The following ARSB variants were observed in gnomAD, a reference collection of about 807,000 sequenced individuals.
ARSB encodes the protein arylsulfatase B, also known as N-acetylgalactosamine-4-sulfatase.
In ARSB, 41 loss-of-function variants were observed where a neutral mutation model predicts 50.9. The observed-to-expected ratio is 0.81, with a 90% confidence interval of 0.63 to 1.04. The LOEUF (loss-of-function observed/expected upper bound fraction) is 1.04. Among genes scored for constraint, ARSB ranks in the 50% least tolerant of loss-of-function variants. The probability of loss-of-function intolerance (pLI) is 0.00; values close to 1 mark genes in which losing one functional copy is unlikely to be tolerated. For synonymous variants in ARSB, 269 were observed against 284.8 expected, an observed-to-expected ratio of 0.94 and a Z score of 0.56; for missense variants, 672 against 693.3, an observed-to-expected ratio of 0.97 and a Z score of 0.35.
intron 6 of ARSB, chr5:78,815,466 C>T (rs1270647576): frequency 2.2e-6 from 2 of 899,084 alleles, no homozygotes; most frequent in African/African-American, 3.7e-5. Flanking sequence ...GAAAGTGTGA[C>T]TTGGCAAATG....
intron 4 of ARSB, among the ~76,000 whole-genome samples, chr5:78,918,078 A>G (rs55885395): frequency 0.01 from 1,545 of 152,336 alleles, 14 homozygotes; most frequent in African/African-American, 0.023. Flanking sequence ...AAATAGATGT[A>G]TTAGTAAATA....
At chr5:78,984,149 G>A (rs1337563272) in intron 1 of ARSB, among the ~76,000 whole-genome samples, 1 of 152,164 alleles carries the variant, frequency 6.6e-6, no homozygotes, top group Non-Finnish European at 1.5e-5. Flanking sequence ...AGCCTTTACA[G>A]GCTTCCTGCC....
intron 4 of ARSB, among the ~76,000 whole-genome samples, chr5:78,911,359 A>T (rs1749297327): frequency 6.6e-6 from 1 of 151,982 alleles, no homozygotes; most frequent in African/African-American, 2.4e-5. Flanking sequence ...GGATCATCTG[A>T]GGTCAGGAGT....
intron 5 of ARSB, among the ~76,000 whole-genome samples, chr5:78,875,773 T>G (rs1293815625): frequency 1.3e-5 from 2 of 152,030 alleles, no homozygotes; most frequent in Non-Finnish European, 2.9e-5. Context: ...GTTCAAGCGA[T>G]TCTCCTCCCT....
At chr5:78,831,037 T>C (rs180817853) in intron 6 of ARSB, among the ~76,000 whole-genome samples, 37 of 152,320 alleles carry the variant, frequency 2.4e-4, no homozygotes, top group Middle Eastern at 3.4e-3. Flanking sequence ...CATGTGCTCA[T>C]AATTTAAAAT....
intron 4 of ARSB, among the ~76,000 whole-genome samples, chr5:78,903,023 A>C (rs981663478): frequency 1.3e-5 from 2 of 152,256 alleles, no homozygotes; most frequent in Non-Finnish European, 2.9e-5. Flanking sequence ...AGAAAAACAG[A>C]GAATAGGTCT....
rs1746296561 is a variant in ARSB at position 78,859,085 on chromosome 5, T to A, written c.1143-19659A>T. Among the ~76,000 whole-genome samples the A allele has an allele frequency of 2.0e-5, 3 of 152,212 alleles. No homozygotes were observed. In the South Asian group the frequency reaches 6.2e-4, roughly 32 times the overall value. ...GGTGAAACTCCTTACAGGACTTATT[T>A]CCTTTGTTAAGGGTGTGTGTGTATG... is the stretch of plus-strand genomic sequence containing the variant. On this transcript the variant is annotated intron_variant, in intron 5 of 7. Transcript: ENST00000264914.
intron 6 of ARSB, among the ~76,000 whole-genome samples, chr5:78,789,593 G>C (rs567479857): frequency 1.3e-5 from 2 of 152,264 alleles, no homozygotes; most frequent in South Asian, 4.1e-4. Context: ...CATCACAAAG[G>C]CCACCATCAT....
chr5:78,832,074 G>A (rs892081860), intron 6 of ARSB, among the ~76,000 whole-genome samples: 4 of 151,318 alleles, frequency 2.6e-5, no homozygotes, highest in African/African-American at 7.3e-5. Flanking sequence ...TTATAGCTCC[G>A]GATGGGGAAA....
chr5:78,852,452 G>T (rs1350034003), intron 5 of ARSB, among the ~76,000 whole-genome samples: 1 of 152,278 alleles, frequency 6.6e-6, no homozygotes, highest in East Asian at 1.9e-4. Flanking sequence ...GCTTCCCTTT[G>T]TGGGTAACCC....
chr5:78,863,535 C>T (rs1388259774), intron 5 of ARSB, among the ~76,000 whole-genome samples: 5 of 146,538 alleles, frequency 3.4e-5, no homozygotes. Flanking sequence ...CATGTTCTCA[C>T]TCATAGGTGG....
chr5:78,943,977 C>G (rs891351975), intron 4 of ARSB, among the ~76,000 whole-genome samples: 1 of 152,176 alleles, frequency 6.6e-6, no homozygotes, highest in Non-Finnish European at 1.5e-5. Context: ...TTGTTCGTTT[C>G]TTTTTATTCT....
chr5:78,797,026 C>T (rs997000657), intron 6 of ARSB, among the ~76,000 whole-genome samples: 5 of 151,998 alleles, frequency 3.3e-5, no homozygotes, highest in East Asian at 1.9e-4. Flanking sequence ...TACAGGCGCC[C>T]GCCACTATGC....
chr5:78,792,400 C>T (rs770116508), intron 6 of ARSB, among the ~76,000 whole-genome samples: 3 of 151,124 alleles, frequency 2.0e-5, no homozygotes, highest in South Asian at 2.1e-4. Context: ...AAAAAAGTTA[C>T]GCATTCAAGG....
In ARSB at chr5:78,870,523, T is replaced by A. The variant is rs537107523; in HGVS notation, c.1142+15061A>T. On this transcript the variant is annotated intron_variant, in intron 5 of 7. Coordinates refer to ENST00000264914, the MANE Select transcript of ARSB (RefSeq NM_000046.5). ...GGCTGCTTCAATATACGCAAATCAA[T>A]AAATGTAATCCAGCATATAAACAGA... Among the ~76,000 whole-genome samples the A allele has an allele frequency of 1.1e-4, 17 of 149,264 alleles. No homozygotes were observed. The East Asian group carries it at 1.5e-3, about 14-fold the overall frequency.
chr5:78,839,431 A>C lies in ARSB; in HGVS notation c.1143-5T>G, dbSNP rs777189032. ...CTGGGGGATGGGCTTCCTTCACTGGAAAACAATTTTTAAGGGAATGTTAAT... is the reference window on the plus strand; with the variant it reads ...CTGGGGGATGGGCTTCCTTCACTGGCAAACAATTTTTAAGGGAATGTTAAT... On this transcript the variant is annotated splice_region_variant and splice_polypyrimidine_tract_variant and intron_variant, in intron 5 of 7. Coordinates refer to ENST00000264914, the MANE Select transcript of ARSB (RefSeq NM_000046.5). The C allele has an allele frequency of 1.2e-6, 2 of 1,612,696 alleles. No individual in the cohort carries two copies. The highest frequency in any genetic ancestry group is 2.7e-5 in the African/African-American group (2 of 74,860).
At chr5:78,913,640 G>T (rs1749410961) in intron 4 of ARSB, among the ~76,000 whole-genome samples, 1 of 152,076 alleles carries the variant, frequency 6.6e-6, no homozygotes, top group Non-Finnish European at 1.5e-5. Context: ...TTCAATATAG[G>T]CTCAGTGTTA....
chr5:78,830,859 G>C (rs956088975), intron 6 of ARSB, among the ~76,000 whole-genome samples: 1 of 152,126 alleles, frequency 6.6e-6, no homozygotes, highest in East Asian at 1.9e-4. Context: ...AACTAGAGAC[G>C]ACACAAAATT....
At chr5:78,807,497 C>T (rs1181600155) in intron 6 of ARSB, among the ~76,000 whole-genome samples, 1 of 152,188 alleles carries the variant, frequency 6.6e-6, no homozygotes, top group Non-Finnish European at 1.5e-5. Flanking sequence ...AGAGCCTAAG[C>T]CCGGGCAAGG....
Sources: gnomAD v4.1 joint callset for allele counts (sites outside exome capture counted in the v4.1 genomes callset) on GRCh38, gnomAD v4.1.1 for gene constraint, MANE v1.5 for transcripts, NCBI Gene and HGNC (gene_info 2026-07-23, HGNC 2026-07-21) for gene names.